The following MAP3K3 variants were observed in gnomAD, a reference collection of about 807,000 sequenced individuals.
MAP3K3 encodes the protein MAP/ERK kinase kinase 3.
A neutral mutation model predicts 80.9 loss-of-function variants in MAP3K3; 12 were observed. The ratio of observed to expected loss-of-function variants is 0.15; its 90% CI spans 0.10 to 0.24. The LOEUF is 0.24. Among genes scored for constraint, MAP3K3 ranks in the 10% least tolerant of loss-of-function variants. The pLI is 1.00. For missense variants in MAP3K3, 596 were observed against 834.7 expected (o/e 0.71, Z 3.52); for synonymous variants, 272 against 307.1 (o/e 0.89, Z 1.19).
rs2035534682 is a variant in MAP3K3, at chr17:63,689,462, G to T, written c.872-82G>T. 5 of 1,224,878 alleles carry T rather than the reference G, an allele frequency of 4.1e-6. No individual in the cohort carries two copies. Among genetic ancestry groups the T allele is most frequent in the Non-Finnish European group, 4.6e-6 (4 of 874,150 alleles). The allele number at this position is 1,224,878 out of a possible 1,614,324, so 75.9% of individuals were successfully genotyped here. On this transcript the variant is annotated intron_variant, in intron 10 of 15. Transcript: ENST00000361733. This position sits in a 1 kb window ranked among gnomAD's most constrained non-coding sequence, Gnocchi z 4.3. ...TTTGTATATTCCGCCTTGTAGCCCG[G>T]GGTGTCTCAGACCTGGTTTGTACGT...
At chr17:63,657,226 G>A (rs1310241196) in intron 4 of MAP3K3, among the ~76,000 whole-genome samples, 1 of 152,000 alleles carries the variant, frequency 6.6e-6, no homozygotes. Context: ...GGCTGTAACT[G>A]TTTGCAACTT....
Position 63,692,180 on chromosome 17 carries a change from G to A in MAP3K3, c.1475-62G>A, listed in dbSNP as rs1400440465. ...AGCAGCTCTCAGTGACCCGGGGGTG[G>A]GGAGGATGGGAGAAAATGCAAGAGG... On this transcript the variant is annotated intron_variant, in intron 14 of 15. Transcript: ENST00000361733. The surrounding 1 kb of genome is among the most constrained non-coding windows in gnomAD (Gnocchi z 4.5). The A allele has an allele frequency of 6.3e-7, 1 of 1,588,378 alleles. No individual in the cohort carries two copies. The highest frequency in any genetic ancestry group is 1.4e-5 in the African/African-American group (1 of 73,848).
chr17:63,688,722 G>T lies in MAP3K3; in HGVS notation c.779-67G>T, dbSNP rs930593068. On this transcript the variant is annotated intron_variant, in intron 9 of 15. Coordinates refer to ENST00000361733, the MANE Select transcript of MAP3K3 (RefSeq NM_002401.5). ...TGCTTTGAGGTCTCAGGTGCCTTGG[G>T]GACTTGGGGGCTTAAGTGGCTCACA... 8 of 1,406,274 alleles carry T rather than the reference G, an allele frequency of 5.7e-6. No homozygotes were observed. The South Asian group carries it at 9.2e-5, about 16-fold the overall frequency. 87.1% of individuals were successfully genotyped at this position (1,406,274 alleles called of 1,614,324 possible).
At position 63,632,799 on chromosome 17, in the gene MAP3K3, G is replaced by A; in HGVS notation, c.123G>A (p.Arg41=). Reference sequence around the variant, plus strand: ...ACAAAGACACAGGTCACTCAAATAGGCAGGTGTGTGTGACCCTGGCAGAGC... The same window carrying A: ...ACAAAGACACAGGTCACTCAAATAGACAGGTGTGTGTGACCCTGGCAGAGC... The part of the protein sequence containing the change: ...MKNKDTGHSN[R]QSDVRIKFEH... The change falls in exon 2 of 16, where the codon AGG becomes AGA. Residue 41 remains arginine (R), a synonymous_variant. Coordinates refer to ENST00000361733, the MANE Select transcript of MAP3K3 (RefSeq NM_002401.5). 6.2e-7 allele frequency: 1 copy of A among 1,613,992 alleles called. No homozygotes were observed. The highest frequency in any genetic ancestry group is 8.5e-7 in the Non-Finnish European group (1 of 1,179,956).
At chr17:63,673,631 C>T (rs1394483860) in intron 6 of MAP3K3, among the ~76,000 whole-genome samples, 2 of 152,104 alleles carry the variant, frequency 1.3e-5, no homozygotes, top group East Asian at 1.9e-4. Context: ...GACTTGTCGG[C>T]GGGGTGCAGT....
rs1598123116 is a variant in MAP3K3 at position 63,689,620 on chromosome 17, C to T, written c.948C>T (p.Ser316=). 1 of 1,614,032 alleles carries T rather than the reference C, an allele frequency of 6.2e-7. No homozygotes were observed. Among genetic ancestry groups the T allele is most frequent in the Non-Finnish European group, 8.5e-7 (1 of 1,179,946 alleles). Residue 316 remains serine (S), a synonymous_variant, in exon 11 of 16, where the codon AGC becomes AGT. Coordinates refer to ENST00000361733, the MANE Select transcript of MAP3K3 (RefSeq NM_002401.5). This position sits in a 1 kb window ranked among gnomAD's most constrained non-coding sequence, Gnocchi z 4.3. ...FTLVPSSRSL[S]TNGENMGLAV... ...TGGTGCCCTCCAGCCGCTCCCTGAGCACAAATGGCGAGAACATGGGTCTGG... is the reference window on the plus strand; with the variant it reads ...TGGTGCCCTCCAGCCGCTCCCTGAGTACAAATGGCGAGAACATGGGTCTGG...
intron 2 of MAP3K3, among the ~76,000 whole-genome samples, chr17:63,639,810 T>C (rs563286210): frequency 1.3e-5 from 2 of 152,188 alleles, no homozygotes; most frequent in African/African-American, 2.4e-5. Flanking sequence ...GAAGAGATGA[T>C]TATAAAGCAA....
chr17:63,638,993 C>T (rs2034389381), intron 2 of MAP3K3, among the ~76,000 whole-genome samples: 1 of 151,988 alleles, frequency 6.6e-6, no homozygotes, highest in African/African-American at 2.4e-5. Flanking sequence ...TGCACTCCAG[C>T]CTGGGCGACA....
chr17:63,629,423 C>G (rs533582842), intron 1 of MAP3K3, among the ~76,000 whole-genome samples: 1 of 152,160 alleles, frequency 6.6e-6, no homozygotes, highest in Non-Finnish European at 1.5e-5. Context: ...CTGCGCCCAG[C>G]CTGTTATTTG....
intron 2 of MAP3K3, chr17:63,637,064 T>G: frequency 2.0e-6 from 1 of 507,588 alleles, no homozygotes; most frequent in East Asian, 4.9e-5. Context: ...GATTACCAAG[T>G]TTGAGAGCGT....
chr17:63,651,845 T>C (rs753465322), intron 3 of MAP3K3, among the ~76,000 whole-genome samples: 6 of 152,158 alleles, frequency 3.9e-5, no homozygotes, highest in Non-Finnish European at 8.8e-5. Context: ...TTCCTGTGAC[T>C]CTGTAGTAGA....
chr17:63,686,653 C>T (rs187936669), intron 8 of MAP3K3, among the ~76,000 whole-genome samples: 4 of 152,154 alleles, frequency 2.6e-5, no homozygotes, highest in East Asian at 3.9e-4. Context: ...CTGTGGCCCC[C>T]GCAAAAGGCC....
intron 6 of MAP3K3, among the ~76,000 whole-genome samples, chr17:63,673,123 A>G (rs1442267563): frequency 6.6e-6 from 1 of 152,182 alleles, no homozygotes; most frequent in Admixed American, 6.5e-5. Context: ...GGGGAAGCGC[A>G]GGGTAGCCCA....
intron 6 of MAP3K3, among the ~76,000 whole-genome samples, chr17:63,670,586 C>CAAAAAA (rs756058538): frequency 2.5e-5 from 2 of 79,938 alleles, no homozygotes; most frequent in Admixed American, 1.4e-4. Context: ...GACTCTGTCT[C>CAAAAAA]AAAAAAAAAA....
intron 6 of MAP3K3, among the ~76,000 whole-genome samples, chr17:63,672,532 G>T (rs1000177595): frequency 6.6e-6 from 1 of 152,130 alleles, no homozygotes; most frequent in African/African-American, 2.4e-5. Context: ...TAGGTCTCTA[G>T]CTCAGAGGGG....
intron 5 of MAP3K3, among the ~76,000 whole-genome samples, chr17:63,659,682 G>T (rs575384377): frequency 6.6e-6 from 1 of 151,538 alleles, no homozygotes; most frequent in African/African-American, 2.4e-5. Context: ...ACAGGTGCAC[G>T]ACACCACGCC....
chr17:63,671,993 A>G (rs750305812), intron 6 of MAP3K3, among the ~76,000 whole-genome samples: 5 of 152,052 alleles, frequency 3.3e-5, no homozygotes, highest in African/African-American at 4.8e-5. Context: ...TTAAAAAAAA[A>G]AAAATGAGGC....
At chr17:63,637,083 T>G (rs547149711) in intron 2 of MAP3K3, 2 of 443,392 alleles carry the variant, frequency 4.5e-6, no homozygotes, top group East Asian at 1.1e-4. Context: ...GTGTGTAGAG[T>G]GTCGATGTTG....
At chr17:63,636,286 A>C (rs1029857915) in intron 2 of MAP3K3, among the ~76,000 whole-genome samples, 1 of 152,238 alleles carries the variant, frequency 6.6e-6, no homozygotes, top group Admixed American at 6.5e-5. Context: ...GCAGTGAGCT[A>C]TTAACAATTT....
Sources: allele counts gnomAD v4.1 joint callset (sites outside exome capture counted in the v4.1 genomes callset), GRCh38; gene constraint gnomAD v4.1.1; non-coding constraint Gnocchi (gnomAD v3.1); transcripts MANE v1.5; gene names NCBI Gene and HGNC (gene_info 2026-07-23, HGNC 2026-07-21).